The following USP45 variants were observed in gnomAD, a reference collection of about 807,000 sequenced individuals.
USP45 encodes the protein ubiquitin specific peptidase 45, also known as ubiquitin carboxyl-terminal hydrolase 45.
USP45 carries 89 observed loss-of-function variants against 95.8 expected under a neutral mutation model. The observed-to-expected ratio is 0.93, with a 90% CI of 0.78 to 1.11. The LOEUF (loss-of-function observed/expected upper bound fraction) is 1.11, where lower values mean the gene tolerates loss of function less well. Ranked by LOEUF, USP45 falls within the 50% of genes least tolerant of loss-of-function variation. USP45 has a pLI of 0.00. For missense variants in USP45, 898 were observed against 942.5 expected, an observed-to-expected ratio of 0.95 and a Z score of 0.62; for synonymous variants, 281 against 316.2, an observed-to-expected ratio of 0.89 and a Z score of 1.18.
intron 7 of USP45, among the ~76,000 whole-genome samples, chr6:99,483,610 G>A (rs1006491328): frequency 1.3e-5 from 2 of 151,278 alleles, no homozygotes; most frequent in East Asian, 1.9e-4. Context: ...AGGCCGAGGC[G>A]GGTGGATCAT....
intron 5 of USP45, among the ~76,000 whole-genome samples, chr6:99,501,462 C>T (rs894724528): frequency 6.6e-6 from 1 of 152,142 alleles, no homozygotes; most frequent in Non-Finnish European, 1.5e-5. Context: ...TAACAAACCA[C>T]GTTTCTGCAA....
intron 15 of USP45, among the ~76,000 whole-genome samples, chr6:99,442,224 G>A (rs1350621219): frequency 6.6e-6 from 1 of 152,200 alleles, no homozygotes; most frequent in East Asian, 1.9e-4. Flanking sequence ...ATTAGCTTCT[G>A]CAATCTGGCA....
chr6:99,444,781 C>T (rs759424997), intron 14 of USP45, among the ~76,000 whole-genome samples: 1 of 152,210 alleles, frequency 6.6e-6, no homozygotes, highest in Non-Finnish European at 1.5e-5. Flanking sequence ...CCCCTCACTC[C>T]CCTACCTCCT....
intron 1 of USP45, among the ~76,000 whole-genome samples, chr6:99,511,306 C>G (rs893609427): frequency 6.6e-6 from 1 of 151,538 alleles, no homozygotes; most frequent in Non-Finnish European, 1.5e-5. Flanking sequence ...CGTGTGCCAC[C>G]AGGCTTGGCT....
chr6:99,458,917 G>A (rs1785686649), intron 13 of USP45, among the ~76,000 whole-genome samples: 2 of 152,078 alleles, frequency 1.3e-5, no homozygotes, highest in African/African-American at 4.8e-5. Flanking sequence ...AGGTGAGAAG[G>A]ACACACAAAA....
intron 9 of USP45, among the ~76,000 whole-genome samples, chr6:99,469,138 A>G (rs1788682544): frequency 1.3e-5 from 2 of 152,156 alleles, no homozygotes; most frequent in African/African-American, 4.8e-5. Flanking sequence ...TAATGTCCAT[A>G]GCAAGAAGAA....
At chr6:99,513,385 A>G (rs1189782297) in intron 1 of USP45, among the ~76,000 whole-genome samples, 1 of 152,206 alleles carries the variant, frequency 6.6e-6, no homozygotes, top group Non-Finnish European at 1.5e-5. Context: ...AAACTGATCT[A>G]GTCTTTTATA....
intron 5 of USP45, among the ~76,000 whole-genome samples, chr6:99,500,399 A>C (rs1797125684): frequency 6.6e-6 from 1 of 152,116 alleles, no homozygotes; most frequent in South Asian, 2.1e-4. Flanking sequence ...GCTGGGTTTA[A>C]GGCCTGAGCC....
rs755326186 is a variant in USP45 at position 99,482,894 on chromosome 6, A to G, written c.715-11T>C. The stretch of plus-strand genomic sequence containing the variant: ...CACCACCAATGGGTCCTTTAAAAAC[A>G]TGATCAACTCTATGTCAGAAATGTA... On this transcript the variant is annotated splice_polypyrimidine_tract_variant and intron_variant, in intron 7 of 17. Coordinates refer to ENST00000500704, the MANE Select transcript of USP45 (RefSeq NM_001346022.3). 1.3e-6 allele frequency: 2 copies of G among 1,503,024 alleles called. No homozygotes were observed. The highest frequency in any genetic ancestry group is 1.8e-6 in the Non-Finnish European group (2 of 1,128,034). The allele number at this position is 1,503,024 out of a possible 1,614,324, so 93.1% of individuals were successfully genotyped here.
intron 11 of USP45, among the ~76,000 whole-genome samples, chr6:99,466,415 T>C (rs1294768002): frequency 6.6e-6 from 1 of 152,224 alleles, no homozygotes; most frequent in Non-Finnish European, 1.5e-5. Flanking sequence ...AATTTCAGTA[T>C]ATTAAGATAG....
At chr6:99,470,624 C>T (rs962132661) in intron 9 of USP45, among the ~76,000 whole-genome samples, 24 of 152,114 alleles carry the variant, frequency 1.6e-4, no homozygotes, top group African/African-American at 5.1e-4. Flanking sequence ...CTCCCAGAAG[C>T]TATTAAATAC....
chr6:99,503,011 G>C (rs1012105482), intron 5 of USP45, among the ~76,000 whole-genome samples: 3 of 151,944 alleles, frequency 2.0e-5, no homozygotes, highest in African/African-American at 4.8e-5. Context: ...CCCAATCTCG[G>C]GTATTTATAG....
At chr6:99,496,431 A>G (rs984713775) in intron 5 of USP45, among the ~76,000 whole-genome samples, 1 of 152,134 alleles carries the variant, frequency 6.6e-6, no homozygotes, top group Non-Finnish European at 1.5e-5. Flanking sequence ...CAGCAAACTC[A>G]TACTTCATAA....
rs751350306 is a variant in USP45, at chr6:99,511,845, G to GTATATATATATA, written c.-10-1627_-10-1616dup. On this transcript the variant is annotated intron_variant, in intron 1 of 17. Coordinates refer to ENST00000500704, the MANE Select transcript of USP45 (RefSeq NM_001346022.3). The stretch of plus-strand genomic sequence containing the variant: ...GACACATATATGTATGTGAGTGTGT[G>GTATATATATATA]TATATATATATATATATATATATAT... Among the ~76,000 whole-genome samples the GTATATATATATA allele has an allele frequency of 2.2e-3, 49 of 22,730 alleles. 1 individual carries two copies. Among genetic ancestry groups the GTATATATATATA allele is most frequent in the Non-Finnish European group, 2.7e-3 (43 of 16,026 alleles). The allele number at this position is 22,730 out of a possible 152,430, so 14.9% of individuals were successfully genotyped here. A position where few individuals can be genotyped will look rare whatever the true frequency, so the allele number is the denominator to read the frequency against.
rs1795025963 is a variant in USP45 at position 99,490,887 on chromosome 6, T to C, written c.479-2067A>G. Among the ~76,000 whole-genome samples, 4 of 152,334 alleles carry C rather than the reference T, an allele frequency of 2.6e-5. No individual in the cohort carries two copies. The South Asian group carries it at 8.3e-4, about 32-fold the overall frequency. ...GCCCAGCAGAAGATGTTTCTTTCAT[T>C]AAGCAAACCTATTTCATGGAAAAAA... On this transcript the variant is annotated intron_variant, in intron 5 of 17. Coordinates refer to ENST00000500704, the MANE Select transcript of USP45 (RefSeq NM_001346022.3).
chr6:99,457,961 T>G (rs187807591), intron 13 of USP45, among the ~76,000 whole-genome samples: 2 of 152,194 alleles, frequency 1.3e-5, no homozygotes, highest in Non-Finnish European at 2.9e-5. Flanking sequence ...TTTGAGACTA[T>G]AGAAAAGCCC....
intron 11 of USP45, among the ~76,000 whole-genome samples, chr6:99,466,376 T>C (rs1448926967): frequency 6.6e-6 from 1 of 152,186 alleles, no homozygotes; most frequent in Non-Finnish European, 1.5e-5. Flanking sequence ...CACAGAAGTT[T>C]TTCTCTCACT....
chr6:99,456,137 A>G (rs1293392626), intron 13 of USP45, among the ~76,000 whole-genome samples: 15 of 73,294 alleles, frequency 2.0e-4, no homozygotes, highest in Admixed American at 7.9e-4. Flanking sequence ...TGTCTCGGAA[A>G]AAAAAAAAAA....
intron 13 of USP45, among the ~76,000 whole-genome samples, chr6:99,464,216 G>C (rs993003999): frequency 6.6e-6 from 1 of 152,206 alleles, no homozygotes; most frequent in Non-Finnish European, 1.5e-5. Context: ...TGAGGCAGGA[G>C]AATCGCTTGA....
Sources: gnomAD v4.1 joint callset for allele counts (sites outside exome capture counted in the v4.1 genomes callset) on GRCh38, gnomAD v4.1.1 for gene constraint, MANE v1.5 for transcripts, NCBI Gene and HGNC (gene_info 2026-07-23, HGNC 2026-07-21) for gene names.